The following COG5 variants were observed in gnomAD, a reference collection of about 807,000 sequenced individuals.
The protein encoded by COG5 is component of oligomeric golgi complex 5.
Under a neutral mutation model 110.4 loss-of-function variants are expected in COG5, and 86 were observed. The observed-to-expected ratio is 0.78, with a 90% confidence interval of 0.65 to 0.93. The LOEUF (loss-of-function observed/expected upper bound fraction) is 0.93, where lower values mean the gene tolerates loss of function less well. COG5 is among the 40% of genes least tolerant of loss of function. COG5 has a pLI of 0.00. For synonymous variants in COG5, 360 were observed against 334.6 expected (o/e 1.08, Z -0.83); for missense variants, 1,077 against 987.0 (o/e 1.09, Z -1.22).
chr7:107,521,042 G>A (rs1800287514), intron 6 of COG5, among the ~76,000 whole-genome samples: 1 of 152,186 alleles, frequency 6.6e-6, no homozygotes, highest in Non-Finnish European at 1.5e-5. Flanking sequence ...AAGCAATGGG[G>A]AAAAGATTCC....
chr7:107,258,467 C>A, intron 14 of COG5, 84 bp from the exon 15 acceptor site: 2 of 777,056 alleles, frequency 2.6e-6, no homozygotes, highest in Non-Finnish European at 4.7e-6. Flanking sequence ...CACACATACA[C>A]ACACACACAC....
chr7:107,530,764 AGGC>A (rs1265054776), intron 5 of COG5, among the ~76,000 whole-genome samples: 1 of 152,194 alleles, frequency 6.6e-6, no homozygotes, highest in Non-Finnish European at 1.5e-5. Context: ...TTGATCTATA[AGGC>A]ATCAGTTCTC....
intron 6 of COG5, among the ~76,000 whole-genome samples, chr7:107,489,335 T>C (rs1797845793): frequency 6.6e-6 from 1 of 152,154 alleles, no homozygotes; most frequent in Non-Finnish European, 1.5e-5. Context: ...AGATAAATGA[T>C]GGTTGAAAAG....
At chr7:107,446,569 G>A (rs1210074455) in intron 6 of COG5, among the ~76,000 whole-genome samples, 1 of 152,170 alleles carries the variant, frequency 6.6e-6, no homozygotes, top group Admixed American at 6.5e-5. Context: ...TCATATTAGA[G>A]ATTTGACTTT....
chr7:107,410,653 G>C (rs1792214341), intron 7 of COG5, among the ~76,000 whole-genome samples: 1 of 152,062 alleles, frequency 6.6e-6, no homozygotes, highest in Non-Finnish European at 1.5e-5. Flanking sequence ...TGTTGGTTAG[G>C]CTGGTCTCGA....
chr7:107,203,497 GAACA>G lies in COG5; in HGVS notation c.*15_*18del. ...GAATGGGTTAGCACAAAGTGGAGATGAACAAAGATTTCATGTCATTACTGAAGAG... is the reference window on the plus strand; with the variant it reads ...GAATGGGTTAGCACAAAGTGGAGATGAAGATTTCATGTCATTACTGAAGAG... On this transcript the variant is annotated 3_prime_UTR_variant, in exon 22 of 22. Transcript: ENST00000297135. 6.4e-7 allele frequency: 1 copy of G among 1,552,488 alleles called. No individual in the cohort carries two copies. Among genetic ancestry groups the G allele is most frequent in the Non-Finnish European group, 8.9e-7 (1 of 1,123,824 alleles).
At chr7:107,463,449 G>T (rs1796119709) in intron 6 of COG5, among the ~76,000 whole-genome samples, 1 of 152,150 alleles carries the variant, frequency 6.6e-6, no homozygotes, top group Non-Finnish European at 1.5e-5. Flanking sequence ...AGGGGAAAGG[G>T]GACAGGGGAA....
chr7:107,487,722 G>C (rs1268580565), intron 6 of COG5, among the ~76,000 whole-genome samples: 2 of 148,290 alleles, frequency 1.3e-5, no homozygotes, highest in African/African-American at 5.0e-5. Context: ...GTCTATACCA[G>C]TAAAAAAAAA....
chr7:107,210,431 C>A (rs1289734858), intron 21 of COG5, 95 bp downstream of exon 21: 2 of 1,528,712 alleles, frequency 1.3e-6, no homozygotes, highest in Non-Finnish European at 1.8e-6. Context: ...GTCACATGTC[C>A]ATGCCCCCAG....
chr7:107,442,791 A>T (rs1397082367), intron 6 of COG5, among the ~76,000 whole-genome samples: 1 of 152,128 alleles, frequency 6.6e-6, no homozygotes, highest in African/African-American at 2.4e-5. Flanking sequence ...CAAATACAAG[A>T]TTTTAAAAGC....
At chr7:107,394,859 C>T (rs990498748) in intron 7 of COG5, among the ~76,000 whole-genome samples, 1 of 152,176 alleles carries the variant, frequency 6.6e-6, no homozygotes, top group Non-Finnish European at 1.5e-5. Flanking sequence ...GACTAACAAT[C>T]ACATTTTACT....
intron 6 of COG5, chr7:107,450,510 A>G (rs10243340): frequency 0.28 from 42,175 of 152,152 alleles, 5,934 homozygotes; most frequent in East Asian, 0.33. Flanking sequence ...AAATCATTGA[A>G]GAGAAAGGAT....
intron 9 of COG5, 87 bp downstream of exon 9, chr7:107,362,221 A>T: frequency 7.3e-7 from 1 of 1,369,722 alleles, no homozygotes; most frequent in Admixed American, 1.9e-5. Context: ...ATGCTCATTG[A>T]TTAAAAAACC....
chr7:107,256,778 C>T lies in COG5; in HGVS notation c.1703G>A (p.Ser568Asn). 1.2e-6 allele frequency: 2 copies of T among 1,610,926 alleles called. No homozygotes were observed. Among genetic ancestry groups the T allele is most frequent in the East Asian group, 2.2e-5 (1 of 44,782 alleles). The change falls in exon 16 of 22, where the codon AGC (serine) becomes AAC (asparagine). Residue 568 changes from serine to asparagine, a missense_variant. By Grantham distance (46) the Ser-to-Asn change is conservative (BLOSUM62 1). Transcript: ENST00000297135. ...TTGCTCAGCTGCCAGTGGGAATGAG[C>T]TCTGACTGGAAACAACCTAGAACAA... Reference protein sequence around the residue: ...QSVTKVVSSQSSFPLAAEQTI... With the variant: ...QSVTKVVSSQNSFPLAAEQTI...
chr7:107,528,085 T>C (rs1800900946), intron 5 of COG5, among the ~76,000 whole-genome samples: 1 of 152,034 alleles, frequency 6.6e-6, no homozygotes, highest in Non-Finnish European at 1.5e-5. Flanking sequence ...ATTTCATTAT[T>C]TTCCTAATCT....
chr7:107,401,131 G>A (rs1791392313), intron 7 of COG5, among the ~76,000 whole-genome samples: 1 of 151,820 alleles, frequency 6.6e-6, no homozygotes, highest in African/African-American at 2.4e-5. Context: ...TCTTAGCACT[G>A]CGGCAACATA....
intron 6 of COG5, among the ~76,000 whole-genome samples, chr7:107,468,708 A>T (rs991877759): frequency 2.6e-5 from 4 of 152,184 alleles, no homozygotes; most frequent in Non-Finnish European, 5.9e-5. Context: ...GGAAGATTAT[A>T]AAAATGCATA....
At chr7:107,421,808 T>G (rs1584803000) in intron 6 of COG5, among the ~76,000 whole-genome samples, 1 of 151,994 alleles carries the variant, frequency 6.6e-6, no homozygotes, top group African/African-American at 2.4e-5. Context: ...TGGAATCAAA[T>G]TAGGAAATTT....
intron 10 of COG5, among the ~76,000 whole-genome samples, chr7:107,335,226 C>G (rs1430013778): frequency 6.6e-6 from 1 of 152,084 alleles, no homozygotes; most frequent in Non-Finnish European, 1.5e-5. Flanking sequence ...CCTGCCTCTA[C>G]TAAAAATACA....
Sources: allele counts gnomAD v4.1 joint callset (sites outside exome capture counted in the v4.1 genomes callset), GRCh38; gene constraint gnomAD v4.1.1; transcripts MANE v1.5; gene names NCBI Gene and HGNC (gene_info 2026-07-23, HGNC 2026-07-21).